The following ARHGAP20 variants were observed in gnomAD, a reference collection of about 807,000 sequenced individuals.
The protein encoded by ARHGAP20 is rho GTPase-activating protein 20.
In ARHGAP20, 34 loss-of-function variants were observed where a neutral mutation model predicts 73.7. The observed-to-expected ratio is 0.46, with a 90% CI of 0.35 to 0.61. The LOEUF (loss-of-function observed/expected upper bound fraction) is 0.61. Ranked by LOEUF, ARHGAP20 falls within the 20% of genes least tolerant of loss-of-function variation. The pLI is 0.00. For synonymous variants in ARHGAP20, 523 were observed against 518.2 expected (o/e 1.01, Z -0.13); for missense variants, 1,314 against 1,420.9 (o/e 0.92, Z 1.21).
chr11:110,590,998 T>TG (rs1281115446), intron 10 of ARHGAP20, among the ~76,000 whole-genome samples, 189 bp from the exon 11 acceptor site: 1 of 151,990 alleles, frequency 6.6e-6, no homozygotes, highest in Non-Finnish European at 1.5e-5. Context: ...TACCAGGGGC[T>TG]GGGGGTGGTG....
intron 2 of ARHGAP20, among the ~76,000 whole-genome samples, chr11:110,675,279 A>T (rs1949908034): frequency 6.6e-6 from 1 of 152,244 alleles, no homozygotes; most frequent in African/African-American, 2.4e-5. Flanking sequence ...TCAGACTGAC[A>T]GAGACCACTT....
At chr11:110,690,243 T>C (rs1394740594) in intron 2 of ARHGAP20, among the ~76,000 whole-genome samples, 2 of 152,228 alleles carry the variant, frequency 1.3e-5, no homozygotes, top group African/African-American at 4.8e-5. Context: ...AAACAAAACA[T>C]TCATTTTTCA....
chr11:110,586,559 G>C (rs2134807009), intron 11 of ARHGAP20, among the ~76,000 whole-genome samples: 1 of 152,238 alleles, frequency 6.6e-6, no homozygotes, highest in South Asian at 2.1e-4. Flanking sequence ...GGAAAATAAA[G>C]GACAACTCAT....
In ARHGAP20 at chr11:110,691,718, C is replaced by T. The variant is rs369645571; in HGVS notation, c.106-1089G>A. On this transcript the variant is annotated intron_variant, in intron 1 of 14. Coordinates refer to ENST00000683387, the MANE Select transcript of ARHGAP20 (RefSeq NM_001384657.1). The stretch of plus-strand genomic sequence containing the variant: ...ATTCTTATCCCACAAATTCTCCATG[C>T]TCCTAGGGATCTCTCCCAAATTATT... Among the ~76,000 whole-genome samples the T allele has an allele frequency of 2.3e-4, 35 of 152,272 alleles. No individual in the cohort carries two copies. In the South Asian group the frequency reaches 5.0e-3, roughly 22 times the overall value.
chr11:110,681,069 T>C (rs1200966149), intron 2 of ARHGAP20, among the ~76,000 whole-genome samples: 1 of 152,210 alleles, frequency 6.6e-6, no homozygotes, highest in African/African-American at 2.4e-5. Context: ...TCATATACCT[T>C]GGATCATTCA....
chr11:110,696,194 G>T (rs941551019), intron 1 of ARHGAP20, among the ~76,000 whole-genome samples: 1 of 151,516 alleles, frequency 6.6e-6, no homozygotes, highest in Non-Finnish European at 1.5e-5. Context: ...TAGCTAAGGG[G>T]GTTCAGTGTT....
At chr11:110,601,616 T>G (rs929359777) in intron 9 of ARHGAP20, among the ~76,000 whole-genome samples, 2 of 152,220 alleles carry the variant, frequency 1.3e-5, no homozygotes, top group African/African-American at 4.8e-5. Context: ...GAGCTAAGAA[T>G]GGCTTTTATA....
chr11:110,690,707 TTA>T, intron 1 of ARHGAP20, 78 bp from the exon 2 acceptor site: 2 of 1,411,706 alleles, frequency 1.4e-6, no homozygotes, highest in Non-Finnish European at 2.0e-6. Context: ...TAAATCCAAT[TTA>T]ACAAGTTTTG....
chr11:110,707,342 C>G (rs1009603795), intron 1 of ARHGAP20, among the ~76,000 whole-genome samples: 1 of 152,094 alleles, frequency 6.6e-6, no homozygotes, highest in Non-Finnish European at 1.5e-5. Flanking sequence ...ATGTGGATAT[C>G]CTCAAGGATG....
At chr11:110,634,891 C>G (rs1948932351) in intron 2 of ARHGAP20, among the ~76,000 whole-genome samples, 1 of 151,860 alleles carries the variant, frequency 6.6e-6, no homozygotes, top group African/African-American at 2.4e-5. Flanking sequence ...CAATCCAGAG[C>G]TGAACTAAAT....
Position 110,580,364 on chromosome 11 carries a change from C to T in ARHGAP20, c.2582G>A (p.Arg861Lys). 6.2e-7 allele frequency: 1 copy of T among 1,614,220 alleles called. No individual in the cohort carries two copies. The highest frequency in any genetic ancestry group is 8.5e-7 in the Non-Finnish European group (1 of 1,180,046). ...EDQNRKLTYL[R>K]GIYSKKQHKT... ...ATGTTGTTTCTTTGAATAAATTCCCCTGAGATAGGTCAGCTTGCGGTTCTG... is the reference window on the plus strand; with the variant it reads ...ATGTTGTTTCTTTGAATAAATTCCCTTGAGATAGGTCAGCTTGCGGTTCTG... The change falls in exon 15 of 15, where the codon AGG (arginine) becomes AAG (lysine). Residue 861 changes from arginine (R) to lysine (K), a missense_variant. Around this residue, in one of 3 missense-constraint regions of ARHGAP20, gnomAD observed 641 missense variants for 636.9 expected, o/e 1.01. Transcript: ENST00000683387.
chr11:110,614,352 C>T (rs547073891), intron 6 of ARHGAP20, among the ~76,000 whole-genome samples: 1 of 152,250 alleles, frequency 6.6e-6, no homozygotes, highest in Admixed American at 6.5e-5. Flanking sequence ...TCTCTTGCTT[C>T]ACTTTCTCTA....
chr11:110,592,979 G>A (rs902239914), intron 9 of ARHGAP20, among the ~76,000 whole-genome samples: 2 of 152,108 alleles, frequency 1.3e-5, no homozygotes, highest in Non-Finnish European at 2.9e-5. Flanking sequence ...TAAATATAAT[G>A]TCATGAGGTA....
chr11:110,690,479 A>G lies in ARHGAP20; in HGVS notation c.188+68T>C, dbSNP rs1950220029. ...TACACATTAAAGAATATGTGATCTG[A>G]AAAACTCTTCATCTAATATAAACTT... On this transcript the variant is annotated intron_variant, in intron 2 of 14. Transcript: ENST00000683387. 32 of 1,441,600 alleles carry G rather than the reference A, an allele frequency of 2.2e-5. 1 individual carries two copies. The South Asian group carries it at 3.6e-4, about 16-fold the overall frequency. The allele number at this position is 1,441,600 out of a possible 1,614,324, so 89.3% of individuals were successfully genotyped here.
At chr11:110,586,414 T>G in intron 11 of ARHGAP20, 89 bp from the exon 12 acceptor site, 12 of 708,772 alleles carry the variant, frequency 1.7e-5, no homozygotes, top group Non-Finnish European at 2.7e-5. Context: ...TGTTGAAAAG[T>G]TCCCTTACGT....
At chr11:110,622,340 TA>T (rs1174803217) in intron 4 of ARHGAP20, among the ~76,000 whole-genome samples, 3 of 152,124 alleles carry the variant, frequency 2.0e-5, no homozygotes, top group African/African-American at 7.2e-5. Context: ...TTCACTTTTT[TA>T]AAAAAATAAA....
chr11:110,577,236 T>C lies in ARHGAP20; in HGVS notation c.*2134A>G. On this transcript the variant is annotated 3_prime_UTR_variant, in exon 15 of 15. Transcript: ENST00000683387. ...TATATTATACAAACTCAAAGCATTT[T>C]AGATAAAGCATCAGTCTAATATATT... The C allele has an allele frequency of 6.7e-7, 1 of 1,492,588 alleles. No individual in the cohort carries two copies. Among genetic ancestry groups the C allele is most frequent in the Non-Finnish European group, 8.9e-7 (1 of 1,120,368 alleles). 92.5% of individuals were successfully genotyped at this position (1,492,588 alleles called of 1,614,324 possible). A position where few individuals can be genotyped will look rare whatever the true frequency, so the allele number is the denominator to read the frequency against.
At chr11:110,586,165 ATAAAATATTTT>A in intron 12 of ARHGAP20, 40 bp downstream of exon 12, 1 of 960,084 alleles carries the variant, frequency 1.0e-6, no homozygotes, top group Non-Finnish European at 1.5e-6. Context: ...AAATAATCTT[ATAAAATATTTT>A]TAAAGTATTT....
rs776422658 is a variant in ARHGAP20 at position 110,592,079 on chromosome 11, C to T, written c.1041G>A (p.Leu347=). ...ATGTTGGCGATGAGGGCAAGTTGTC[C>T]AGGTGAGTGCTAGAACCTCGCCAGA... is the stretch of plus-strand genomic sequence containing the variant. ...WAFWRGSSTH[L]DNLPSSPTSP... The change falls in exon 10 of 15, where the codon CTG becomes CTA. Residue 347 remains leucine (L), a synonymous_variant. Coordinates refer to ENST00000683387, the MANE Select transcript of ARHGAP20 (RefSeq NM_001384657.1). The T allele has an allele frequency of 7.4e-6, 12 of 1,614,158 alleles. No homozygotes were observed. In the South Asian group the frequency reaches 1.2e-4, roughly 16 times the overall value.
Sources: allele counts gnomAD v4.1 joint callset (sites outside exome capture counted in the v4.1 genomes callset), GRCh38; gene constraint gnomAD v4.1.1; regional missense constraint gnomAD v4.1.1; transcripts MANE v1.5; gene names NCBI Gene and HGNC (gene_info 2026-07-23, HGNC 2026-07-21).